The following HS6ST3 variants were observed in gnomAD, a reference collection of about 807,000 sequenced individuals.
HS6ST3 encodes heparan sulfate 6-O-sulfotransferase 3.
Under a neutral mutation model 36.7 loss-of-function variants are expected in HS6ST3, and 12 were observed. The ratio of observed to expected loss-of-function variants is 0.33; its 90% confidence interval spans 0.21 to 0.53. HS6ST3 has a LOEUF of 0.53. Among genes scored for constraint, HS6ST3 ranks in the 20% least tolerant of loss-of-function variants. The pLI is 0.95. For synonymous variants in HS6ST3, 240 were observed against 257.5 expected, an observed-to-expected ratio of 0.93 and a Z score of 0.65; for missense variants, 584 against 640.9, an observed-to-expected ratio of 0.91 and a Z score of 0.96.
intron 1 of HS6ST3, among the ~76,000 whole-genome samples, chr13:96,807,134 T>G (rs905372886): frequency 1.3e-5 from 2 of 152,194 alleles, no homozygotes; most frequent in Non-Finnish European, 2.9e-5. Context: ...ATACGGGAGC[T>G]GAAGCCCTGA....
intron 1 of HS6ST3, among the ~76,000 whole-genome samples, chr13:96,764,356 T>C (rs1472717476): frequency 1.3e-5 from 2 of 152,222 alleles, no homozygotes; most frequent in African/African-American, 4.8e-5. Flanking sequence ...GATGATTATA[T>C]CTTACACTTT....
At chr13:96,347,046 C>T (rs931859134) in intron 1 of HS6ST3, among the ~76,000 whole-genome samples, 3 of 152,090 alleles carry the variant, frequency 2.0e-5, no homozygotes, top group Non-Finnish European at 4.4e-5. Flanking sequence ...ATAGGCAGGG[C>T]GCGGGTCTTT....
chr13:96,091,290 A>G lies in HS6ST3; in HGVS notation c.428A>G (p.Lys143Arg), dbSNP rs1473659149. 6.2e-7 allele frequency: 1 copy of G among 1,613,340 alleles called. No individual in the cohort carries two copies. Among genetic ancestry groups the G allele is most frequent in the African/African-American group, 1.3e-5 (1 of 74,816 alleles). ...DLTRFVDFNI[K>R]GRDVIVFLHI... ...ACCCGCTTCGTGGATTTCAACATCA[A>G]AGGGCGCGACGTGATCGTGTTCCTC... The change falls in exon 1 of 2, where the codon AAA becomes AGA. Residue 143 changes from lysine to arginine, a missense_variant. This residue lies in a region of HS6ST3 where 7 missense variants were observed against 24.2 expected (regional missense o/e 0.29). Transcript: ENST00000376705.
rs114925717 is a variant in HS6ST3, at chr13:96,686,872, C to T, written c.708-145618C>T. 2.5e-3 allele frequency among the ~76,000 whole-genome samples: 375 copies of T among 152,054 alleles called. 1 individual carries two copies. The highest frequency in any genetic ancestry group is 8.7e-3 in the African/African-American group (361 of 41,516). On this transcript the variant is annotated intron_variant, in intron 1 of 1. Transcript: ENST00000376705. ...ATACACTTTATTACACATCTGTTAT[C>T]TACAGTTACTTTTCATGCTATTCCT...
intron 1 of HS6ST3, among the ~76,000 whole-genome samples, chr13:96,282,797 G>A (rs1344040931): frequency 2.0e-5 from 3 of 152,240 alleles, no homozygotes; most frequent in East Asian, 3.9e-4. Context: ...ATGAAAACCC[G>A]AGGCTGCATA....
At chr13:96,381,252 A>G (rs995861655) in intron 1 of HS6ST3, among the ~76,000 whole-genome samples, 1 of 152,206 alleles carries the variant, frequency 6.6e-6, no homozygotes, top group Admixed American at 6.5e-5. Context: ...AGTAACATTT[A>G]TAATATAAGC....
At chr13:96,339,099 G>T (rs970451196) in intron 1 of HS6ST3, among the ~76,000 whole-genome samples, 1 of 152,150 alleles carries the variant, frequency 6.6e-6, no homozygotes, top group Non-Finnish European at 1.5e-5. Context: ...GAAGTGTGCA[G>T]CTCCTCCATG....
At chr13:96,740,226 C>T (rs1438697243) in intron 1 of HS6ST3, among the ~76,000 whole-genome samples, 1 of 152,118 alleles carries the variant, frequency 6.6e-6, no homozygotes, top group Non-Finnish European at 1.5e-5. Flanking sequence ...TCATATGCCC[C>T]GAATTCAATG....
intron 1 of HS6ST3, among the ~76,000 whole-genome samples, chr13:96,812,973 T>G (rs1436484719): frequency 6.6e-6 from 1 of 152,164 alleles, no homozygotes; most frequent in African/African-American, 2.4e-5. Flanking sequence ...GGACAGAGAC[T>G]TGGGATGGCA....
intron 1 of HS6ST3, among the ~76,000 whole-genome samples, chr13:96,260,229 CCCTTCCTT>C (rs71681344): frequency 0.098 from 14,073 of 143,342 alleles, 917 homozygotes; most frequent in East Asian, 0.19. Flanking sequence ...TTTATTTTTT[CCCTTCCTT>C]CCTTCCTTCC....
intron 1 of HS6ST3, among the ~76,000 whole-genome samples, chr13:96,576,942 T>TC (rs2056323973): frequency 1.3e-4 from 5 of 39,876 alleles, no homozygotes; most frequent in Admixed American, 9.4e-4. Flanking sequence ...AGACTCTGTC[T>TC]CAAAAAAAAA....
intron 1 of HS6ST3, among the ~76,000 whole-genome samples, chr13:96,751,835 T>C (rs921591525): frequency 1.3e-5 from 2 of 150,932 alleles, no homozygotes; most frequent in African/African-American, 2.4e-5. Flanking sequence ...TGTACACACA[T>C]ATAGTATATT....
intron 1 of HS6ST3, among the ~76,000 whole-genome samples, chr13:96,737,850 C>G (rs1443336389): frequency 6.6e-6 from 1 of 152,046 alleles, no homozygotes; most frequent in Non-Finnish European, 1.5e-5. Flanking sequence ...TCTGACCCCC[C>G]TCCCATCTTC....
intron 1 of HS6ST3, among the ~76,000 whole-genome samples, chr13:96,466,732 G>A (rs1173009126): frequency 6.6e-6 from 1 of 151,742 alleles, no homozygotes; most frequent in African/African-American, 2.4e-5. Flanking sequence ...GTACATGCAT[G>A]TATCAAACCA....
rs185371693 is a variant in HS6ST3, at chr13:96,744,782, T to A, written c.708-87708T>A. Among the ~76,000 whole-genome samples the A allele has an allele frequency of 7.9e-5, 12 of 152,222 alleles. 1 individual carries two copies. The East Asian group carries it at 2.3e-3, about 29-fold the overall frequency. On this transcript the variant is annotated intron_variant, in intron 1 of 1. Transcript: ENST00000376705. ...GGGGAAATGTGACCAGATTTTCCCATCAAAATCAAATCTATCGCTTGTGTA... is the reference window on the plus strand; with the variant it reads ...GGGGAAATGTGACCAGATTTTCCCAACAAAATCAAATCTATCGCTTGTGTA...
intron 1 of HS6ST3, among the ~76,000 whole-genome samples, chr13:96,180,410 C>G (rs1197481047): frequency 9.2e-5 from 14 of 152,244 alleles, no homozygotes; most frequent in African/African-American, 3.4e-4. Flanking sequence ...TCTTCCACCT[C>G]AATTCCAAGT....
intron 1 of HS6ST3, among the ~76,000 whole-genome samples, chr13:96,777,296 C>T (rs1032570508): frequency 8.5e-5 from 13 of 152,204 alleles, no homozygotes; most frequent in Non-Finnish European, 1.6e-4. Flanking sequence ...CAAGGATGCC[C>T]TCTCTCACCA....
chr13:96,295,438 T>C (rs917465570), intron 1 of HS6ST3, among the ~76,000 whole-genome samples: 10 of 152,116 alleles, frequency 6.6e-5, no homozygotes, highest in South Asian at 2.1e-4. Flanking sequence ...GTTGATGCAA[T>C]TGCAAATCTT....
intron 1 of HS6ST3, among the ~76,000 whole-genome samples, chr13:96,108,856 C>T (rs2053854705): frequency 2.0e-5 from 3 of 152,286 alleles, no homozygotes; most frequent in African/African-American, 7.2e-5. Context: ...AAAAGCTCCT[C>T]ATCCTTCAGT....
Sources: gnomAD v4.1 joint callset for allele counts (sites outside exome capture counted in the v4.1 genomes callset) on GRCh38, gnomAD v4.1.1 for gene constraint, gnomAD v4.1.1 regional missense constraint, MANE v1.5 for transcripts, NCBI Gene and HGNC (gene_info 2026-07-23, HGNC 2026-07-21) for gene names.